The following AGBL4 variants were observed in gnomAD, a reference collection of about 807,000 sequenced individuals.
AGBL4 encodes the protein AGBL carboxypeptidase 4.
A neutral mutation model predicts 66.4 loss-of-function variants in AGBL4; 58 were observed. The observed-to-expected ratio is 0.87, with a 90% CI of 0.71 to 1.09. The LOEUF is 1.09. Among genes scored for constraint, AGBL4 ranks in the 50% least tolerant of loss-of-function variants. The pLI, the probability that AGBL4 is intolerant of heterozygous loss-of-function variation, is 0.00. For synonymous variants in AGBL4, 234 were observed against 222.9 expected (o/e 1.05, Z -0.44); for missense variants, 579 against 631.0 (o/e 0.92, Z 0.88).
chr1:48,866,875 A>G (rs946720226), intron 6 of AGBL4, among the ~76,000 whole-genome samples: 1 of 152,138 alleles, frequency 6.6e-6, no homozygotes, highest in African/African-American at 2.4e-5. Flanking sequence ...CTTATTTCTC[A>G]GGGACTGGGA....
chr1:48,733,506 A>C (rs1022205954), intron 6 of AGBL4, among the ~76,000 whole-genome samples: 4 of 152,218 alleles, frequency 2.6e-5, no homozygotes, highest in Non-Finnish European at 5.9e-5. Flanking sequence ...AAAAGTAAAA[A>C]AATTTAAAAA....
At chr1:49,203,497 A>G (rs1030039103) in intron 4 of AGBL4, among the ~76,000 whole-genome samples, 4 of 152,214 alleles carry the variant, frequency 2.6e-5, no homozygotes, top group African/African-American at 9.6e-5. Context: ...GGACATGGTA[A>G]GTGAAGCCAA....
At chr1:48,576,266 C>T (rs924013720) in intron 11 of AGBL4, among the ~76,000 whole-genome samples, 3 of 152,174 alleles carry the variant, frequency 2.0e-5, no homozygotes, top group African/African-American at 7.2e-5. Context: ...AGGTTGTGCA[C>T]TTCTTTTAAG....
At chr1:49,638,238 T>C (rs1254265164) in intron 3 of AGBL4, among the ~76,000 whole-genome samples, 1 of 152,192 alleles carries the variant, frequency 6.6e-6, no homozygotes, top group Admixed American at 6.5e-5. Flanking sequence ...ATACTGAATT[T>C]GTCCTTTGTT....
chr1:49,605,614 T>A (rs1645049920), intron 3 of AGBL4, among the ~76,000 whole-genome samples: 1 of 152,218 alleles, frequency 6.6e-6, no homozygotes, highest in African/African-American at 2.4e-5. Flanking sequence ...TAAATTTCAG[T>A]TAACTCCCTT....
rs533328126 is a variant in AGBL4, at chr1:49,806,536, C to T, written c.157+44860G>A. Among the ~76,000 whole-genome samples, 46 of 152,156 alleles carry T rather than the reference C, an allele frequency of 3.0e-4. 1 individual carries two copies. The South Asian group carries it at 5.4e-3, about 18-fold the overall frequency. ...TTTTAAATAAAAAAATGAAGCAGAACTTAAAGATCTGAAAAACTCTCAGCC... is the reference window on the plus strand; with the variant it reads ...TTTTAAATAAAAAAATGAAGCAGAATTTAAAGATCTGAAAAACTCTCAGCC... On this transcript the variant is annotated intron_variant, in intron 2 of 13. Coordinates refer to ENST00000371839, the MANE Select transcript of AGBL4 (RefSeq NM_032785.4).
intron 2 of AGBL4, among the ~76,000 whole-genome samples, chr1:49,716,433 A>C (rs1648143050): frequency 6.6e-6 from 1 of 151,974 alleles, no homozygotes; most frequent in South Asian, 2.1e-4. Flanking sequence ...TTGGCTATGC[A>C]GGCTCCTTTT....
chr1:48,981,890 T>A (rs1218453178), intron 5 of AGBL4, among the ~76,000 whole-genome samples: 1 of 152,118 alleles, frequency 6.6e-6, no homozygotes, highest in Admixed American at 6.6e-5. Context: ...CGAAACTCCG[T>A]CTCAAAGAAA....
chr1:49,850,563 C>G (rs1646278406), intron 2 of AGBL4, among the ~76,000 whole-genome samples: 1 of 152,050 alleles, frequency 6.6e-6, no homozygotes, highest in Non-Finnish European at 1.5e-5. Context: ...TACAATATGA[C>G]ATAATCAAAG....
intron 3 of AGBL4, among the ~76,000 whole-genome samples, chr1:49,375,350 C>T (rs928230465): frequency 6.6e-6 from 1 of 151,986 alleles, no homozygotes; most frequent in Non-Finnish European, 1.5e-5. Flanking sequence ...TACTGCCTGT[C>T]AACTGGATAA....
intron 11 of AGBL4, among the ~76,000 whole-genome samples, chr1:48,556,584 C>T (rs536712024): frequency 7.2e-5 from 11 of 152,326 alleles, no homozygotes; most frequent in African/African-American, 1.9e-4. Context: ...CCCCCTGCCT[C>T]GTTGCCTCTA....
intron 3 of AGBL4, among the ~76,000 whole-genome samples, chr1:49,281,258 T>C (rs1347630213): frequency 6.6e-6 from 1 of 151,702 alleles, no homozygotes; most frequent in African/African-American, 2.4e-5. Flanking sequence ...GCAAAAAGAG[T>C]ACGAAAAAAT....
chr1:48,928,839 G>A (rs1478184872), intron 5 of AGBL4, among the ~76,000 whole-genome samples: 1 of 152,182 alleles, frequency 6.6e-6, no homozygotes, highest in Non-Finnish European at 1.5e-5. Flanking sequence ...TCTGGTATAT[G>A]GCATTGCTGA....
chr1:49,806,824 C>G (rs948008583), intron 2 of AGBL4, among the ~76,000 whole-genome samples: 2 of 152,146 alleles, frequency 1.3e-5, no homozygotes, highest in African/African-American at 4.8e-5. Flanking sequence ...CCAGTACCAC[C>G]CCAAAGCTCT....
intron 1 of AGBL4, among the ~76,000 whole-genome samples, chr1:49,978,949 T>C (rs1658819209): frequency 6.6e-6 from 1 of 152,200 alleles, no homozygotes; most frequent in Non-Finnish European, 1.5e-5. Flanking sequence ...GGGTACAATA[T>C]ACAGATTTTT....
At chr1:49,112,330 C>T (rs929194825) in intron 4 of AGBL4, among the ~76,000 whole-genome samples, 4 of 152,204 alleles carry the variant, frequency 2.6e-5, no homozygotes, top group African/African-American at 9.7e-5. Flanking sequence ...ATGCTAACAA[C>T]CATCTGAGCC....
chr1:49,336,114 A>G lies in AGBL4; in HGVS notation c.283-90250T>C, dbSNP rs192631469. ...GCAAGCTGGAGACCTAGGAGACCCAATGGTTTATTTCCAGTCCAAGTCTGA... is the reference window on the plus strand; with the variant it reads ...GCAAGCTGGAGACCTAGGAGACCCAGTGGTTTATTTCCAGTCCAAGTCTGA... On this transcript the variant is annotated intron_variant, in intron 3 of 13. Coordinates refer to ENST00000371839, the MANE Select transcript of AGBL4 (RefSeq NM_032785.4). Among the ~76,000 whole-genome samples the G allele has an allele frequency of 2.1e-3, 326 of 152,266 alleles. 5 individuals carry two copies. The highest frequency in any genetic ancestry group is 7.2e-3 in the African/African-American group (299 of 41,556).
intron 6 of AGBL4, chr1:48,759,292 G>C (rs1644127990): frequency 6.4e-7 from 1 of 1,551,304 alleles, no homozygotes; most frequent in Non-Finnish European, 8.7e-7. Flanking sequence ...TCTCTGTGTA[G>C]GACAACGAGA....
intron 9 of AGBL4, among the ~76,000 whole-genome samples, chr1:48,627,319 T>C (rs78226923): frequency 0.018 from 2,799 of 152,292 alleles, 95 homozygotes; most frequent in African/African-American, 0.065. Context: ...CCTGTTTTTA[T>C]TTACCATGTT....
Sources: gnomAD v4.1 joint callset for allele counts (sites outside exome capture counted in the v4.1 genomes callset) on GRCh38, gnomAD v4.1.1 for gene constraint, MANE v1.5 for transcripts, NCBI Gene and HGNC (gene_info 2026-07-23, HGNC 2026-07-21) for gene names.